Variants in FIG4 observed in about 807,000 individuals in gnomAD.
FIG4 encodes the protein polyphosphoinositide phosphatase.
A neutral mutation model predicts 118.6 loss-of-function variants in FIG4; 112 were observed. The ratio of observed to expected loss-of-function variants is 0.94; its 90% confidence interval spans 0.81 to 1.11. FIG4 has a LOEUF of 1.11. Among genes scored for constraint, FIG4 ranks in the 50% least tolerant of loss-of-function variants. The pLI is 0.00. For missense variants in FIG4, 969 were observed against 1,111.7 expected, an observed-to-expected ratio of 0.87 and a Z score of 1.83; for synonymous variants, 369 against 381.2, an observed-to-expected ratio of 0.97 and a Z score of 0.37.
At chr6:109,721,961 G>T (rs1562645676) in intron 3 of FIG4, among the ~76,000 whole-genome samples, 1 of 151,992 alleles carries the variant, frequency 6.6e-6, no homozygotes, top group Admixed American at 6.6e-5. Context: ...TTATTACTAA[G>T]AATTTTTATC....
intron 1 of FIG4, among the ~76,000 whole-genome samples, chr6:109,713,256 C>A (rs934528158): frequency 2.6e-5 from 4 of 152,222 alleles, no homozygotes; most frequent in Non-Finnish European, 4.4e-5. Flanking sequence ...AGGATGCCAG[C>A]AGGTGCCTGC....
At chr6:109,737,242 G>A (rs1776185307) in intron 6 of FIG4, among the ~76,000 whole-genome samples, 2 of 152,128 alleles carry the variant, frequency 1.3e-5, no homozygotes, top group African/African-American at 4.8e-5. Flanking sequence ...AGGTATGAGA[G>A]TAGGTTGAAA....
chr6:109,789,039 G>T (rs1316287893), intron 18 of FIG4, among the ~76,000 whole-genome samples: 2 of 152,210 alleles, frequency 1.3e-5, no homozygotes, highest in African/African-American at 4.8e-5. Flanking sequence ...TGAGGTAGAT[G>T]TTGGTATTTC....
intron 22 of FIG4, among the ~76,000 whole-genome samples, chr6:109,813,055 T>C (rs2128400730): frequency 6.6e-6 from 1 of 152,344 alleles, no homozygotes; most frequent in East Asian, 1.9e-4. Flanking sequence ...TATTTACACT[T>C]TTTACCTATA....
At position 109,695,918 on chromosome 6, in the gene FIG4, A is replaced by G. The variant is rs74557982; in HGVS notation, c.66+4417A>G. Among the ~76,000 whole-genome samples the G allele has an allele frequency of 3.7e-4, 57 of 152,266 alleles. 1 individual carries two copies. Among genetic ancestry groups the G allele is most frequent in the African/African-American group, 1.2e-3 (51 of 41,536 alleles). On this transcript the variant is annotated intron_variant, in intron 1 of 22. Transcript: ENST00000230124. ...AGGCAGAATTGTGTAAGTTGTACCA[A>G]TTGAGATGTCTATGGTGTTGGCTCT... is the stretch of plus-strand genomic sequence containing the variant.
At chr6:109,754,305 G>A (rs1459388661) in intron 10 of FIG4, among the ~76,000 whole-genome samples, 2 of 152,108 alleles carry the variant, frequency 1.3e-5, no homozygotes, top group Non-Finnish European at 2.9e-5. Flanking sequence ...TGATCATGGT[G>A]GATAAGCTTT....
At chr6:109,777,654 A>G (rs1777659333) in intron 16 of FIG4, among the ~76,000 whole-genome samples, 1 of 152,244 alleles carries the variant, frequency 6.6e-6, no homozygotes, top group Non-Finnish European at 1.5e-5. Flanking sequence ...AAGCTAGAGC[A>G]GTGCTACTAG....
chr6:109,746,144 A>G (rs1776489424), intron 10 of FIG4, among the ~76,000 whole-genome samples: 1 of 152,208 alleles, frequency 6.6e-6, no homozygotes, highest in South Asian at 2.1e-4. Context: ...AGCAATGGGG[A>G]AAGGATTCCC....
intron 10 of FIG4, among the ~76,000 whole-genome samples, chr6:109,759,208 A>G (rs1372403399): frequency 6.6e-6 from 1 of 152,216 alleles, no homozygotes; most frequent in African/African-American, 2.4e-5. Flanking sequence ...ACGGCCCATC[A>G]ATGATGGACT....
intron 5 of FIG4, among the ~76,000 whole-genome samples, chr6:109,733,920 T>C (rs565292658): frequency 6.6e-6 from 1 of 152,148 alleles, no homozygotes; most frequent in Admixed American, 6.6e-5. Flanking sequence ...GTTAAAGTTT[T>C]TGTGCCTCAT....
intron 10 of FIG4, among the ~76,000 whole-genome samples, chr6:109,745,462 A>C (rs1348176450): frequency 6.6e-6 from 1 of 152,156 alleles, no homozygotes; most frequent in Non-Finnish European, 1.5e-5. Flanking sequence ...GTGTCTGTTC[A>C]TATCCTTCGC....
At chr6:109,700,835 A>C (rs910250347) in intron 1 of FIG4, among the ~76,000 whole-genome samples, 1 of 152,228 alleles carries the variant, frequency 6.6e-6, no homozygotes, top group African/African-American at 2.4e-5. Context: ...ATGAAACATA[A>C]ATGAATTTTA....
intron 22 of FIG4, among the ~76,000 whole-genome samples, chr6:109,799,480 A>G (rs761053458): frequency 6.6e-5 from 10 of 152,228 alleles, no homozygotes; most frequent in Non-Finnish European, 1.3e-4. Context: ...CCAAACCAAG[A>G]GAAATTACAT....
In FIG4 at chr6:109,691,448, G is replaced by A. The variant is rs1194611668; in HGVS notation, c.13G>A (p.Ala5Thr). The change falls in exon 1 of 23, where the codon GCC becomes ACC. Residue 5 changes from alanine (A) to threonine (T), a missense_variant. By Grantham distance (58) the Ala-to-Thr change is moderately conservative (BLOSUM62 0). Around this residue, in one of 3 missense-constraint regions of FIG4, gnomAD observed 393 missense variants for 409.4 expected, o/e 0.96. Coordinates refer to ENST00000230124, the MANE Select transcript of FIG4 (RefSeq NM_014845.6). ...ATTTGCCGCCGCCATGCCCACGGCC[G>A]CCGCCCCCATCATCAGCTCGGTCCA... The part of the protein sequence containing the change: MPTA[A>T]APIISSVQKL... The A allele has an allele frequency of 5.7e-6, 9 of 1,583,002 alleles. No individual in the cohort carries two copies. Among genetic ancestry groups the A allele is most frequent in the South Asian group, 1.2e-5 (1 of 86,680 alleles).
chr6:109,717,438 A>G (rs550254981), intron 3 of FIG4, among the ~76,000 whole-genome samples: 1 of 152,238 alleles, frequency 6.6e-6, no homozygotes, highest in African/African-American at 2.4e-5. Flanking sequence ...CTTGTGGTGA[A>G]TCAATAAACC....
rs141309562 is a variant in FIG4 at position 109,762,195 on chromosome 6, G to A, written c.1376G>A (p.Arg459Gln). The change falls in exon 12 of 23, where the codon CGG becomes CAG. Residue 459 changes from arginine to glutamine, a missense_variant. By Grantham distance (43) the Arg-to-Gln change is conservative (BLOSUM62 1). Coordinates refer to ENST00000230124, the MANE Select transcript of FIG4 (RefSeq NM_014845.6). ...NRPDSYCSIL[R>Q]PDEKWNELGG... is the part of the protein sequence containing the mutation. Reference sequence around the variant, plus strand: ...CCTGATTCTTACTGTAGCATTTTGCGGCCAGATGAAAAGTATGTATGGTAT... The same window carrying A: ...CCTGATTCTTACTGTAGCATTTTGCAGCCAGATGAAAAGTATGTATGGTAT... 16 of 1,600,976 alleles carry A rather than the reference G, an allele frequency of 1.0e-5. No homozygotes were observed. The highest frequency in any genetic ancestry group is 4.5e-5 in the East Asian group (2 of 44,790).
intron 1 of FIG4, among the ~76,000 whole-genome samples, chr6:109,698,147 C>T (rs922768012): frequency 7.2e-5 from 11 of 151,796 alleles, no homozygotes; most frequent in African/African-American, 2.7e-4. Context: ...CTCAGCCTCC[C>T]AAAGTGCTGG....
intron 10 of FIG4, among the ~76,000 whole-genome samples, chr6:109,759,932 C>T (rs1239027677): frequency 2.6e-5 from 4 of 152,158 alleles, no homozygotes; most frequent in Non-Finnish European, 5.9e-5. Flanking sequence ...GGAGGGATCT[C>T]CTCTGTCAGA....
chr6:109,808,602 C>CT (rs202071982), intron 22 of FIG4, among the ~76,000 whole-genome samples: 15 of 150,852 alleles, frequency 9.9e-5, no homozygotes, highest in African/African-American at 2.7e-4. Flanking sequence ...TAACTCATTG[C>CT]TTTTTTTTTG....
Sources: allele counts gnomAD v4.1 joint callset (sites outside exome capture counted in the v4.1 genomes callset), GRCh38; gene constraint gnomAD v4.1.1; regional missense constraint gnomAD v4.1.1; transcripts MANE v1.5; gene names NCBI Gene and HGNC (gene_info 2026-07-23, HGNC 2026-07-21).